The following KCNK5 variants were observed in gnomAD, a reference collection of about 807,000 sequenced individuals.
KCNK5 encodes the protein potassium two pore domain channel subfamily K member 5.
Under a neutral mutation model 32.9 loss-of-function variants are expected in KCNK5, and 18 were observed. That is an observed-to-expected ratio of 0.55 (90% CI 0.38 to 0.81). The LOEUF is 0.81. Ranked by LOEUF, KCNK5 falls within the 30% of genes least tolerant of loss-of-function variation. The probability of loss-of-function intolerance (pLI) is 0.00; values close to 1 mark genes in which losing one functional copy is unlikely to be tolerated. For synonymous variants in KCNK5, 276 were observed against 275.3 expected, an observed-to-expected ratio of 1.00 and a Z score of -0.03; for missense variants, 507 against 651.0, an observed-to-expected ratio of 0.78 and a Z score of 2.41.
rs564418702 is a variant in KCNK5, at chr6:39,228,962, C to A, written c.150G>T (p.Pro50=). The change falls in exon 1 of 5, where the codon CCG becomes CCT. Residue 50 remains proline, a synonymous_variant. Transcript: ENST00000359534. ...TGTCCAGGCCCTCCTGACCCAGGCA[C>A]GGGAACTCCTTGAGCAGATGCAGCT... is the stretch of plus-strand genomic sequence containing the variant. ...TQKLHLLKEF[P]CLGQEGLDKI... 6.8e-6 allele frequency: 11 copies of A among 1,614,080 alleles called. No individual in the cohort carries two copies. Among genetic ancestry groups the A allele is most frequent in the Non-Finnish European group, 8.5e-6 (10 of 1,180,044 alleles).
Position 39,194,563 on chromosome 6 carries a change from C to A in KCNK5, c.465+31G>T. ...CCCTCACCTGTCATGGTTCCCCCAT[C>A]TCTGCCCAACACCCAGGGTAGGGGA... On this transcript the variant is annotated intron_variant, in intron 3 of 4. Transcript: ENST00000359534. This position sits in a 1 kb window ranked among gnomAD's most constrained non-coding sequence, Gnocchi z 4.7. The A allele has an allele frequency of 6.2e-7, 1 of 1,611,400 alleles. No individual in the cohort carries two copies. The highest frequency in any genetic ancestry group is 2.2e-5 in the East Asian group (1 of 44,838).
intron 1 of KCNK5, among the ~76,000 whole-genome samples, chr6:39,207,560 C>A (rs1011481400): frequency 6.6e-6 from 1 of 152,000 alleles, no homozygotes; most frequent in Non-Finnish European, 1.5e-5. Context: ...AGCCCAAAGC[C>A]CCCAGAGGTT....
rs138496155 is a variant in KCNK5, at chr6:39,204,507, T to C, written c.187-8520A>G. ...TCAGGACTTAGCTCATCAGTCACCA[T>C]ACTACTTCTTAACCTGGACTACAAA... On this transcript the variant is annotated intron_variant, in intron 1 of 4. Transcript: ENST00000359534. Among the ~76,000 whole-genome samples, 3 of 152,368 alleles carry C rather than the reference T, an allele frequency of 2.0e-5. No individual in the cohort carries two copies. The East Asian group carries it at 5.8e-4, about 29-fold the overall frequency.
intron 1 of KCNK5, among the ~76,000 whole-genome samples, chr6:39,219,077 C>T (rs1771495080): frequency 6.6e-6 from 1 of 152,192 alleles, no homozygotes; most frequent in Non-Finnish European, 1.5e-5. Context: ...TCCTTGAAAG[C>T]AAAAACCACG....
intron 1 of KCNK5, among the ~76,000 whole-genome samples, chr6:39,214,368 G>T (rs980034729): frequency 6.6e-6 from 1 of 152,230 alleles, no homozygotes; most frequent in Non-Finnish European, 1.5e-5. Context: ...GACGGGCAGA[G>T]GGGTATGGTC....
intron 1 of KCNK5, among the ~76,000 whole-genome samples, chr6:39,204,902 T>C (rs542270497): frequency 6.6e-6 from 1 of 152,214 alleles, no homozygotes; most frequent in African/African-American, 2.4e-5. Context: ...GGCAAGCCCC[T>C]GCCAGATGGG....
chr6:39,197,847 G>A (rs1583706685), intron 1 of KCNK5, among the ~76,000 whole-genome samples: 1 of 152,320 alleles, frequency 6.6e-6, no homozygotes, highest in Non-Finnish European at 1.5e-5. Context: ...TTGAATCACT[G>A]ATCACAGGTG....
At chr6:39,204,537 G>A (rs1477912550) in intron 1 of KCNK5, among the ~76,000 whole-genome samples, 2 of 152,230 alleles carry the variant, frequency 1.3e-5, no homozygotes, top group African/African-American at 4.8e-5. Flanking sequence ...TACAAACTGA[G>A]ATCATCTGAG....
In KCNK5 at chr6:39,216,104, G is replaced by A. The variant is rs369142203; in HGVS notation, c.186+12822C>T. Among the ~76,000 whole-genome samples, 28 of 152,290 alleles carry A rather than the reference G, an allele frequency of 1.8e-4. No individual in the cohort carries two copies. In the South Asian group the frequency reaches 3.7e-3, roughly 20 times the overall value. Reference sequence around the variant, plus strand: ...TGGAGACCGGCCTGGCTAACATGGCGAAACCCTGTCTCTACTAAAAATACA... The same window carrying A: ...TGGAGACCGGCCTGGCTAACATGGCAAAACCCTGTCTCTACTAAAAATACA... On this transcript the variant is annotated intron_variant, in intron 1 of 4. Transcript: ENST00000359534.
In KCNK5 at chr6:39,210,492, C is replaced by T. The variant is rs908272427; in HGVS notation, c.187-14505G>A. 1.2e-4 allele frequency among the ~76,000 whole-genome samples: 18 copies of T among 152,352 alleles called. No homozygotes were observed. In the East Asian group the frequency reaches 3.3e-3, roughly 28 times the overall value. The stretch of plus-strand genomic sequence containing the variant: ...GCTATAAATGCCAGATCTAGCCAGG[C>T]ACCAGCTCCCCGACCCATGCACAGG... On this transcript the variant is annotated intron_variant, in intron 1 of 4. Transcript: ENST00000359534.
intron 1 of KCNK5, among the ~76,000 whole-genome samples, chr6:39,222,414 T>C (rs1771570017): frequency 6.6e-6 from 1 of 152,222 alleles, no homozygotes; most frequent in Admixed American, 6.5e-5. Context: ...AATGTCGTTA[T>C]TTTAGAGTAG....
Position 39,194,378 on chromosome 6 carries a change from C to T in KCNK5, c.466-41G>A, listed in dbSNP as rs372929628. On this transcript the variant is annotated intron_variant, in intron 3 of 4. Transcript: ENST00000359534. The surrounding 1 kb of genome is among the most constrained non-coding windows in gnomAD (Gnocchi z 4.7). ...AGGCCAAGTCAGAGAATAGTGGAGACTTGGAAACCCAGCAAAGGCACCCAG... is the reference window on the plus strand; with the variant it reads ...AGGCCAAGTCAGAGAATAGTGGAGATTTGGAAACCCAGCAAAGGCACCCAG... 10 of 1,559,754 alleles carry T rather than the reference C, an allele frequency of 6.4e-6. No individual in the cohort carries two copies. Among genetic ancestry groups the T allele is most frequent in the Non-Finnish European group, 7.8e-6 (9 of 1,152,680 alleles).
chr6:39,194,734 G>T lies in KCNK5; in HGVS notation c.325C>A (p.Pro109Thr). 6.2e-7 allele frequency: 1 copy of T among 1,614,046 alleles called. No individual in the cohort carries two copies. Among genetic ancestry groups the T allele is most frequent in the Non-Finnish European group, 8.5e-7 (1 of 1,179,996 alleles). ...AAAACACAGAAGAGGCGACCGGCGG[G>T]GGTCTTGGGAGCCACATTGCCATAT... is the stretch of plus-strand genomic sequence containing the variant. ...IGYGNVAPKTPAGRLFCVFYG... is the reference protein window; with the variant it reads ...IGYGNVAPKTTAGRLFCVFYG... Residue 109 changes from proline (P) to threonine (T), a missense_variant, in exon 3 of 5, where the codon CCC (proline) becomes ACC (threonine). Coordinates refer to ENST00000359534, the MANE Select transcript of KCNK5 (RefSeq NM_003740.4). The surrounding 1 kb of genome is among the most constrained non-coding windows in gnomAD (Gnocchi z 4.7).
chr6:39,214,451 T>C (rs114466782), intron 1 of KCNK5, among the ~76,000 whole-genome samples: 1,552 of 152,036 alleles, frequency 0.01, 29 homozygotes, highest in African/African-American at 0.036. Flanking sequence ...CTAGTGACAG[T>C]TTTCCAGATT....
intron 1 of KCNK5, among the ~76,000 whole-genome samples, chr6:39,215,202 C>A (rs73418608): frequency 0.02 from 3,034 of 152,214 alleles, 110 homozygotes; most frequent in African/African-American, 0.07. Context: ...AGCTGTTAAT[C>A]AGGACACCCT....
Position 39,191,899 on chromosome 6 carries a change from C to T in KCNK5, c.635-144G>A. 1.2e-6 allele frequency: 1 copy of T among 817,566 alleles called. No individual in the cohort carries two copies. 50.6% of individuals were successfully genotyped at this position (817,566 alleles called of 1,614,324 possible). A position where few individuals can be genotyped will look rare whatever the true frequency, so the allele number is the denominator to read the frequency against. On this transcript the variant is annotated intron_variant, in intron 4 of 4. Coordinates refer to ENST00000359534, the MANE Select transcript of KCNK5 (RefSeq NM_003740.4). The surrounding 1 kb of genome is among the most constrained non-coding windows in gnomAD (Gnocchi z 5.8). ...GGGATAGAAAGGGGCCTGTTCTAGA[C>T]CCTGGACTATCCCATCTTCCTCAAG...
At chr6:39,213,280 A>T (rs1771372452) in intron 1 of KCNK5, among the ~76,000 whole-genome samples, 1 of 152,208 alleles carries the variant, frequency 6.6e-6, no homozygotes, top group South Asian at 2.1e-4. Flanking sequence ...AAGCAATACA[A>T]CCACATTACA....
chr6:39,224,185 C>CTT (rs1484122740), intron 1 of KCNK5, among the ~76,000 whole-genome samples: 1 of 151,210 alleles, frequency 6.6e-6, no homozygotes, highest in Admixed American at 6.6e-5. Context: ...AAAAAACCAG[C>CTT]TTATCCACTT....
intron 1 of KCNK5, among the ~76,000 whole-genome samples, chr6:39,227,754 G>A (rs1771701101): frequency 6.6e-6 from 1 of 152,158 alleles, no homozygotes; most frequent in South Asian, 2.1e-4. Context: ...ATGAGGATGG[G>A]CTCATTCCCG....
Sources: gnomAD v4.1 joint callset for allele counts (sites outside exome capture counted in the v4.1 genomes callset) on GRCh38, gnomAD v4.1.1 for gene constraint, Gnocchi (gnomAD v3.1) non-coding constraint, MANE v1.5 for transcripts, NCBI Gene and HGNC (gene_info 2026-07-23, HGNC 2026-07-21) for gene names.